Variants in EYA4 observed in about 807,000 individuals in gnomAD.
EYA4 encodes the protein protein phosphatase EYA4.
Under a neutral mutation model 87.9 loss-of-function variants are expected in EYA4, and 31 were observed. The observed-to-expected ratio is 0.35, with a 90% CI of 0.27 to 0.48. The LOEUF is 0.48. Ranked by LOEUF, EYA4 falls within the 20% of genes least tolerant of loss-of-function variation. The pLI, the probability that EYA4 is intolerant of heterozygous loss-of-function variation, is 0.99. For missense variants in EYA4, 678 were observed against 761.4 expected (o/e 0.89, Z 1.29); for synonymous variants, 263 against 270.6 (o/e 0.97, Z 0.28).
chr6:133,401,637 C>G (rs1168180000), intron 3 of EYA4, among the ~76,000 whole-genome samples: 1 of 152,152 alleles, frequency 6.6e-6, no homozygotes, highest in African/African-American at 2.4e-5. Context: ...TTCATATAGT[C>G]TTTTAGCTTC....
chr6:133,402,666 A>G (rs986820690), intron 3 of EYA4, among the ~76,000 whole-genome samples: 8 of 152,058 alleles, frequency 5.3e-5, no homozygotes, highest in African/African-American at 1.9e-4. Context: ...ATATGCTTAC[A>G]TCTCTGTCTA....
intron 2 of EYA4, among the ~76,000 whole-genome samples, chr6:133,367,544 C>T (rs80297680): frequency 1.9e-3 from 287 of 152,312 alleles, no homozygotes; most frequent in African/African-American, 6.6e-3. Flanking sequence ...GGGAAAGTCA[C>T]TGCTATTTAA....
intron 9 of EYA4, among the ~76,000 whole-genome samples, chr6:133,463,457 T>C (rs998245819): frequency 6.6e-6 from 1 of 150,496 alleles, no homozygotes; most frequent in African/African-American, 2.5e-5. Context: ...ACCTCCTGGG[T>C]TCAAGCGATT....
intron 2 of EYA4, among the ~76,000 whole-genome samples, chr6:133,377,950 T>C (rs1785843076): frequency 7.0e-6 from 1 of 143,740 alleles, no homozygotes; most frequent in African/African-American, 2.5e-5. Context: ...TAAAATTCAC[T>C]AAGAGAGTAG....
chr6:133,463,354 C>CTTTTTTTT (rs571663764), intron 9 of EYA4, among the ~76,000 whole-genome samples: 18 of 115,218 alleles, frequency 1.6e-4, no homozygotes, highest in South Asian at 2.8e-4. Context: ...TGTGTTTTAT[C>CTTTTTTTT]TTTTTTTTTT....
chr6:133,421,324 G>C (rs1790201671), intron 3 of EYA4, among the ~76,000 whole-genome samples: 1 of 152,216 alleles, frequency 6.6e-6, no homozygotes, highest in South Asian at 2.1e-4. Flanking sequence ...TAGAACCTAA[G>C]AAGGAGAGCT....
intron 2 of EYA4, among the ~76,000 whole-genome samples, chr6:133,290,094 C>T (rs1422753919): frequency 6.6e-6 from 1 of 152,082 alleles, no homozygotes; most frequent in Non-Finnish European, 1.5e-5. Context: ...GTGCCATGGG[C>T]TAAGTGCTAT....
intron 5 of EYA4, among the ~76,000 whole-genome samples, chr6:133,454,341 C>T (rs540727515): frequency 2.6e-5 from 4 of 152,200 alleles, no homozygotes; most frequent in African/African-American, 9.6e-5. Flanking sequence ...GTAAACATTG[C>T]GTGAAATGGA....
chr6:133,425,773 C>A (rs1204715195), intron 3 of EYA4, among the ~76,000 whole-genome samples: 3 of 150,746 alleles, frequency 2.0e-5, no homozygotes, highest in Admixed American at 1.3e-4. Context: ...CTCTCTAATT[C>A]AGCCTCCACA....
At chr6:133,459,821 T>G (rs1794221627) in intron 6 of EYA4, among the ~76,000 whole-genome samples, 1 of 152,142 alleles carries the variant, frequency 6.6e-6, no homozygotes, top group African/African-American at 2.4e-5. Flanking sequence ...AAATTCTGGT[T>G]GCTGAAAATA....
chr6:133,270,808 T>A (rs192815399), intron 1 of EYA4, among the ~76,000 whole-genome samples: 1 of 152,182 alleles, frequency 6.6e-6, no homozygotes, highest in Admixed American at 6.5e-5. Flanking sequence ...CTTCCTTACC[T>A]CCGTTGTGGA....
chr6:133,427,509 T>C (rs926541850), intron 3 of EYA4, among the ~76,000 whole-genome samples: 1 of 152,224 alleles, frequency 6.6e-6, no homozygotes, highest in Non-Finnish European at 1.5e-5. Context: ...TGATGATATC[T>C]GTATTTTGAC....
At chr6:133,492,980 T>C (rs1331803246) in intron 13 of EYA4, among the ~76,000 whole-genome samples, 1 of 152,192 alleles carries the variant, frequency 6.6e-6, no homozygotes, top group Non-Finnish European at 1.5e-5. Flanking sequence ...AGAGATTCCA[T>C]GTTCATGGAC....
intron 2 of EYA4, among the ~76,000 whole-genome samples, chr6:133,370,870 T>C (rs1785215049): frequency 6.6e-6 from 1 of 152,266 alleles, no homozygotes; most frequent in African/African-American, 2.4e-5. Flanking sequence ...CCTGAAACCA[T>C]AATAGTAAGA....
intron 3 of EYA4, among the ~76,000 whole-genome samples, chr6:133,411,244 G>A (rs150238947): frequency 1.3e-5 from 2 of 152,250 alleles, no homozygotes; most frequent in East Asian, 3.9e-4. Flanking sequence ...GTGGGGGAAG[G>A]TTATGATGAG....
chr6:133,496,888 G>T (rs992468632), intron 13 of EYA4, among the ~76,000 whole-genome samples: 1 of 152,172 alleles, frequency 6.6e-6, no homozygotes, highest in Non-Finnish European at 1.5e-5. Flanking sequence ...ACCATGTGAA[G>T]TGGCACTGCA....
chr6:133,359,637 C>T (rs948134259), intron 2 of EYA4, among the ~76,000 whole-genome samples: 7 of 152,178 alleles, frequency 4.6e-5, no homozygotes, highest in Admixed American at 2.6e-4. Flanking sequence ...CTCAGTAGGA[C>T]AGGCAGTCAT....
At chr6:133,405,944 C>T (rs1788663505) in intron 3 of EYA4, among the ~76,000 whole-genome samples, 2 of 152,004 alleles carry the variant, frequency 1.3e-5, no homozygotes, top group South Asian at 4.1e-4. Flanking sequence ...GAGGTGAGAG[C>T]ATGTCTGTTG....
intron 7 of EYA4, 53 bp from the exon 8 acceptor site, chr6:133,462,282 A>G: frequency 6.3e-7 from 1 of 1,593,302 alleles, no homozygotes; most frequent in South Asian, 1.1e-5. Flanking sequence ...TAGGCTGTCT[A>G]AATTAATACA....
Sources: allele counts gnomAD v4.1 joint callset (sites outside exome capture counted in the v4.1 genomes callset), GRCh38; gene constraint gnomAD v4.1.1; transcripts MANE v1.5; gene names NCBI Gene and HGNC (gene_info 2026-07-23, HGNC 2026-07-21).